Variants in IFI44L observed in about 807,000 individuals in gnomAD.
IFI44L encodes interferon induced protein 44 like.
Under a neutral mutation model 39.3 loss-of-function variants are expected in IFI44L, and 40 were observed. The observed-to-expected ratio is 1.02, with a 90% CI of 0.79 to 1.33. IFI44L has a LOEUF of 1.33. Among genes scored for constraint, IFI44L ranks in the 40% most tolerant of loss-of-function variants. The pLI is 0.00. For synonymous variants in IFI44L, 198 were observed against 182.3 expected (o/e 1.09, Z -0.69); for missense variants, 623 against 549.0 (o/e 1.13, Z -1.35).
chr1:78,635,678 G>A (rs78812425), intron 5 of IFI44L, 189 bp downstream of exon 5: 210 of 584,546 alleles, frequency 3.6e-4, no homozygotes, highest in African/African-American at 3.5e-3. Flanking sequence ...CTGTAACATT[G>A]AGAAATAAAG....
At chr1:78,638,036 A>G (rs887536029) in intron 6 of IFI44L, among the ~76,000 whole-genome samples, 1 of 152,080 alleles carries the variant, frequency 6.6e-6, no homozygotes, top group Non-Finnish European at 1.5e-5. Context: ...GGACTGTACC[A>G]TTTTACAATC....
In IFI44L at chr1:78,641,427, T is replaced by C; in HGVS notation, c.1150-8T>C. 1 of 1,610,846 alleles carries C rather than the reference T, an allele frequency of 6.2e-7. No homozygotes were observed. Among genetic ancestry groups the C allele is most frequent in the East Asian group, 2.2e-5 (1 of 44,818 alleles). Reference sequence around the variant, plus strand: ...AGGACTTACACTTTTTAAATATACTTTCCACAGGTCATGAATGTCCATAAA... The same window carrying C: ...AGGACTTACACTTTTTAAATATACTCTCCACAGGTCATGAATGTCCATAAA... On this transcript the variant is annotated splice_polypyrimidine_tract_variant and splice_region_variant and intron_variant, in intron 7 of 8. Transcript: ENST00000370751.
chr1:78,621,122 G>C (rs1169301966), intron 1 of IFI44L, among the ~76,000 whole-genome samples: 2 of 152,152 alleles, frequency 1.3e-5, no homozygotes, highest in Non-Finnish European at 2.9e-5. Flanking sequence ...TTCACACACA[G>C]ATAACTAGAG....
rs1652573938 is a variant in IFI44L at position 78,628,209 on chromosome 1, T to C, written c.294T>C (p.Thr98=). Residue 98 remains threonine, a synonymous_variant, in exon 2 of 9, where the codon ACT becomes ACC. Transcript: ENST00000370751. The part of the protein sequence containing the change: ...QKKNDTTEIE[T]LLLNTAPKII... ...AAAATGACACCACTGAAATAGAAACTTTACTCTTAAATACAGCACCAAAAA... is the reference window on the plus strand; with the variant it reads ...AAAATGACACCACTGAAATAGAAACCTTACTCTTAAATACAGCACCAAAAA... 3 of 1,612,934 alleles carry C rather than the reference T, an allele frequency of 1.9e-6. No individual in the cohort carries two copies. The highest frequency in any genetic ancestry group is 2.5e-6 in the Non-Finnish European group (3 of 1,179,504).
intron 1 of IFI44L, 47 bp downstream of exon 1, chr1:78,620,618 G>A (rs1652240351): frequency 6.6e-6 from 1 of 152,108 alleles, no homozygotes; most frequent in African/African-American, 2.4e-5. Context: ...GTATTTATGG[G>A]GTTATGTGTG....
At position 78,628,233 on chromosome 1, in the gene IFI44L, A is replaced by G; in HGVS notation, c.318A>G (p.Lys106=). Residue 106 remains lysine, a synonymous_variant, in exon 2 of 9, where the codon AAA becomes AAG. Transcript: ENST00000370751. The stretch of plus-strand genomic sequence containing the variant: ...CTTTACTCTTAAATACAGCACCAAA[A>G]ATTATTGATGAGCAACTGGTGTGTC... ...IETLLLNTAP[K]IIDEQLVCRL... 6.2e-7 allele frequency: 1 copy of G among 1,612,594 alleles called. No homozygotes were observed. Among genetic ancestry groups the G allele is most frequent in the Non-Finnish European group, 8.5e-7 (1 of 1,179,320 alleles).
Position 78,622,863 on chromosome 1 carries a change from T to C in IFI44L, c.-11+2292T>C, listed in dbSNP as rs558934759. 9.2e-5 allele frequency among the ~76,000 whole-genome samples: 14 copies of C among 152,308 alleles called. No homozygotes were observed. In the East Asian group the frequency reaches 1.3e-3, roughly 15 times the overall value. Reference sequence around the variant, plus strand: ...TAACAACCATAGGAGCTTGGAAGCATGTCCTTCTCCCGTTAAACATTCAGA... The same window carrying C: ...TAACAACCATAGGAGCTTGGAAGCACGTCCTTCTCCCGTTAAACATTCAGA... On this transcript the variant is annotated intron_variant, in intron 1 of 8. Coordinates refer to ENST00000370751, the MANE Select transcript of IFI44L (RefSeq NM_006820.4).
At chr1:78,629,022 C>T in intron 3 of IFI44L, 23 bp downstream of exon 3, 1 of 1,492,726 alleles carries the variant, frequency 6.7e-7, no homozygotes, top group South Asian at 1.1e-5. Context: ...CTTGGGCTAT[C>T]TATTAATCAT....
At chr1:78,628,910 C>T (rs528428469) in intron 2 of IFI44L, 41 bp from the exon 3 acceptor site, 2 of 1,327,052 alleles carry the variant, frequency 1.5e-6, no homozygotes, top group Non-Finnish European at 1.1e-6. Context: ...TTTAACCAAA[C>T]AAGTTTTAAA....
At chr1:78,626,361 T>C (rs1461361846) in intron 1 of IFI44L, 2 of 152,056 alleles carry the variant, frequency 1.3e-5, no homozygotes, top group Admixed American at 6.6e-5. Context: ...TATGGGTAAC[T>C]CCAGTATAAG....
rs2100409246 is a variant in IFI44L at position 78,644,264 on chromosome 1, G to A, written c.*2455G>A. On this transcript the variant is annotated 3_prime_UTR_variant, in exon 9 of 9. Transcript: ENST00000370751. ...GGGTAACACAGAGTGCCCTTATGAAGGAGTTGGAGATCCTGCAAGGAAGAG... is the reference window on the plus strand; with the variant it reads ...GGGTAACACAGAGTGCCCTTATGAAAGAGTTGGAGATCCTGCAAGGAAGAG... 1 of 152,294 alleles carries A rather than the reference G, an allele frequency of 6.6e-6. No individual in the cohort carries two copies. Among genetic ancestry groups the A allele is most frequent in the Non-Finnish European group, 1.5e-5 (1 of 68,034 alleles). The allele number at this position is 152,294 out of a possible 1,614,324, so 9.4% of individuals were successfully genotyped here.
chr1:78,630,085 A>T, intron 4 of IFI44L, 170 bp downstream of exon 4: 1 of 612,046 alleles, frequency 1.6e-6, no homozygotes, highest in Admixed American at 3.2e-5. Flanking sequence ...TATTATACAG[A>T]GAAGCTTTCA....
At chr1:78,627,809 C>T (rs1263375704) in intron 1 of IFI44L, 97 bp from the exon 2 acceptor site, 4 of 572,602 alleles carry the variant, frequency 7.0e-6, no homozygotes, top group Non-Finnish European at 1.1e-5. Flanking sequence ...TTAATTGAGT[C>T]AGTGAATAAA....
At chr1:78,621,725 C>A (rs1203577955) in intron 1 of IFI44L, among the ~76,000 whole-genome samples, 1 of 151,800 alleles carries the variant, frequency 6.6e-6, no homozygotes, top group Non-Finnish European at 1.5e-5. Context: ...AAAATTACTT[C>A]TGTTTTTATA....
chr1:78,643,283 A>G lies in IFI44L; in HGVS notation c.*1474A>G, dbSNP rs1287203584. 1 of 152,086 alleles carries G rather than the reference A, an allele frequency of 6.6e-6. No individual in the cohort carries two copies. The highest frequency in any genetic ancestry group is 6.6e-5 in the Admixed American group (1 of 15,260). The allele number at this position is 152,086 out of a possible 1,614,324, so 9.4% of individuals were successfully genotyped here. ...TTTAAAAAAGACCTAGGAATAGGAG[A>G]ACCATGGAAATTGAGGAGGTAGGCC... On this transcript the variant is annotated 3_prime_UTR_variant, in exon 9 of 9. Coordinates refer to ENST00000370751, the MANE Select transcript of IFI44L (RefSeq NM_006820.4).
At position 78,641,435 on chromosome 1, in the gene IFI44L, G is replaced by C; in HGVS notation, c.1150G>C (p.Val384Leu). 6.2e-7 allele frequency: 1 copy of C among 1,612,376 alleles called. No individual in the cohort carries two copies. The highest frequency in any genetic ancestry group is 8.5e-7 in the Non-Finnish European group (1 of 1,178,754). Residue 384 changes from valine (V) to leucine (L), a missense_variant and splice_region_variant, in exon 8 of 9, where the codon GTC becomes CTC. Physicochemically the swap from Val to Leu is conservative, Grantham distance 32. Transcript: ENST00000370751. ...CACTTTTTAAATATACTTTCCACAG[G>C]TCATGAATGTCCATAAAATGCTAGG... ...MSRSMTSQSR[V>L]MNVHKMLGIP... is the part of the protein sequence containing the mutation.
chr1:78,637,345 C>T (rs1204413685), intron 6 of IFI44L, 142 bp downstream of exon 6: 1 of 616,614 alleles, frequency 1.6e-6, no homozygotes, highest in African/African-American at 2.0e-5. Flanking sequence ...AGAGATCATT[C>T]ACAGGCATGA....
In IFI44L at chr1:78,641,447, C is replaced by T. The variant is rs1040654862; in HGVS notation, c.1162C>T (p.His388Tyr). The change falls in exon 8 of 9, where the codon CAT (histidine) becomes TAT (tyrosine). Residue 388 changes from histidine to tyrosine, a missense_variant. Transcript: ENST00000370751. ...ATACTTTCCACAGGTCATGAATGTCCATAAAATGCTAGGCATTCCTATTTC... is the reference window on the plus strand; with the variant it reads ...ATACTTTCCACAGGTCATGAATGTCTATAAAATGCTAGGCATTCCTATTTC... ...MTSQSRVMNV[H>Y]KMLGIPISNI... 3 of 1,613,084 alleles carry T rather than the reference C, an allele frequency of 1.9e-6. No individual in the cohort carries two copies. The African/African-American group carries it at 4.0e-5, about 22-fold the overall frequency.
intron 6 of IFI44L, among the ~76,000 whole-genome samples, chr1:78,638,516 C>T (rs1653035334): frequency 6.6e-6 from 1 of 151,958 alleles, no homozygotes; most frequent in South Asian, 2.1e-4. Context: ...TCTATTTGCT[C>T]TTTATTTTTC....
Sources: gnomAD v4.1 joint callset for allele counts (sites outside exome capture counted in the v4.1 genomes callset) on GRCh38, gnomAD v4.1.1 for gene constraint, MANE v1.5 for transcripts, NCBI Gene and HGNC (gene_info 2026-07-23, HGNC 2026-07-21) for gene names.